NRIP2: variants seen among roughly 807,000 people sequenced by gnomAD.
The protein encoded by NRIP2 is nuclear receptor-interacting protein 2.
A neutral mutation model predicts 34.1 loss-of-function variants in NRIP2; 27 were observed. The observed-to-expected ratio is 0.79, with a 90% CI of 0.58 to 1.09. The LOEUF is 1.09. NRIP2 is among the 50% of genes least tolerant of loss of function. The pLI is 0.00. For synonymous variants in NRIP2, 145 were observed against 146.9 expected (o/e 0.99, Z 0.09); for missense variants, 385 against 352.6 (o/e 1.09, Z -0.74).
At chr12:2,834,230 A>C (rs1473798047) in intron 1 of NRIP2, among the ~76,000 whole-genome samples, 2 of 152,196 alleles carry the variant, frequency 1.3e-5, no homozygotes, top group Non-Finnish European at 1.5e-5. Context: ...ACAAGTGGAT[A>C]GACAGACCTG....
chr12:2,830,421 ATTTGTCTG>A (rs1014851295), intron 2 of NRIP2: 7 of 303,138 alleles, frequency 2.3e-5, no homozygotes, highest in African/African-American at 2.2e-5. Flanking sequence ...CACACACACC[ATTTGTCTG>A]TGTAGAGCAC....
At chr12:2,830,627 A>G (rs1340720464) in intron 2 of NRIP2, 81 bp downstream of exon 2, 9 of 1,428,654 alleles carry the variant, frequency 6.3e-6, no homozygotes, top group Middle Eastern at 2.0e-4. Context: ...CTCTCCCATC[A>G]GGGCAGAGCA....
rs986252943 is a variant in NRIP2 at position 2,830,768 on chromosome 12, G to A, written c.435C>T (p.Gly145=). 9 of 1,613,952 alleles carry A rather than the reference G, an allele frequency of 5.6e-6. No homozygotes were observed. The Admixed American group carries it at 1.0e-4, about 18-fold the overall frequency. The part of the protein sequence containing the change: ...EPPRMQDLIH[G]QESRRKTSRT... The stretch of plus-strand genomic sequence containing the variant: ...TGCTGGTCTTCCTCCTGCTCTCCTG[G>A]CCATGAATCAGGTCCTGCATCCGGG... Residue 145 remains glycine, a synonymous_variant, in exon 2 of 6, where the codon GGC becomes GGT. Transcript: ENST00000337508.
rs185106142 is a variant in NRIP2 at position 2,832,723 on chromosome 12, A to G, written c.343-1863T>C. On this transcript the variant is annotated intron_variant, in intron 1 of 5. Coordinates refer to ENST00000337508, the MANE Select transcript of NRIP2 (RefSeq NM_031474.3). Reference sequence around the variant, plus strand: ...GCTTGAGTCTACCTCACTCATTTTTATATCCCAGGGCATGGCTCAGCATCT... The same window carrying G: ...GCTTGAGTCTACCTCACTCATTTTTGTATCCCAGGGCATGGCTCAGCATCT... Among the ~76,000 whole-genome samples, 3 of 148,576 alleles carry G rather than the reference A, an allele frequency of 2.0e-5. No homozygotes were observed. In the East Asian group the frequency reaches 6.0e-4, roughly 30 times the overall value.
chr12:2,834,966 A>G lies in NRIP2; in HGVS notation c.18T>C (p.Pro6=). Reference sequence around the variant, plus strand: ...AGGAGGGTCTCCACGGGAGGGAAAGAGGAAAAATAAATAACATGCAGGAGC... The same window carrying G: ...AGGAGGGTCTCCACGGGAGGGAAAGGGGAAAAATAAATAACATGCAGGAGC... MLFIF[P]LSLPWRPSCW... is the part of the protein sequence containing the mutation. Residue 6 remains proline, a synonymous_variant, in exon 1 of 6, where the codon CCT becomes CCC. Transcript: ENST00000337508. 6.3e-7 allele frequency: 1 copy of G among 1,585,182 alleles called. No individual in the cohort carries two copies. Among genetic ancestry groups the G allele is most frequent in the African/African-American group, 1.4e-5 (1 of 73,656 alleles).
chr12:2,830,645 G>A, intron 2 of NRIP2, 63 bp downstream of exon 2: 1 of 1,519,242 alleles, frequency 6.6e-7, no homozygotes, highest in Non-Finnish European at 8.9e-7. Flanking sequence ...GCAGAAAGGA[G>A]AGCAGGTGAA....
rs3814250 is a variant in NRIP2 at position 2,826,883 on chromosome 12, C to T, written c.*324G>A. On this transcript the variant is annotated 3_prime_UTR_variant, in exon 6 of 6. Coordinates refer to ENST00000337508, the MANE Select transcript of NRIP2 (RefSeq NM_031474.3). ...CAAGGACAGCAGTCAGCAGAGCCTT[C>T]GACCCAGCCCAAGCAGGCACCCCAT... The T allele has an allele frequency of 0.14, 111,561 of 796,632 alleles. 9,243 individuals are homozygous for T. The highest frequency in any genetic ancestry group is 0.34 in the South Asian group (14,891 of 44,246). The allele number at this position is 796,632 out of a possible 1,614,324, so 49.3% of individuals were successfully genotyped here.
In NRIP2 at chr12:2,827,401, C is replaced by G. The variant is rs1308783609; in HGVS notation, c.754-102G>C. On this transcript the variant is annotated intron_variant, in intron 5 of 5. Transcript: ENST00000337508. The surrounding 1 kb of genome is among the most constrained non-coding windows in gnomAD (Gnocchi z 4.0). ...TCCCACTTCCCACAGCTTCCACCTG[C>G]CTTTTGCTCTTCCCCCATCCCCATT... is the stretch of plus-strand genomic sequence containing the variant. The G allele has an allele frequency of 2.0e-6, 3 of 1,522,952 alleles. No homozygotes were observed. The highest frequency in any genetic ancestry group is 2.3e-5 in the East Asian group (1 of 43,056). The allele number at this position is 1,522,952 out of a possible 1,614,324, so 94.3% of individuals were successfully genotyped here. A position where few individuals can be genotyped will look rare whatever the true frequency, so the allele number is the denominator to read the frequency against.
intron 1 of NRIP2, among the ~76,000 whole-genome samples, chr12:2,832,220 T>A (rs947142735): frequency 4.6e-5 from 7 of 152,100 alleles, no homozygotes; most frequent in Admixed American, 2.6e-4. Context: ...AAACTAACCA[T>A]GTCTTCTCTT....
At position 2,827,786 on chromosome 12, in the gene NRIP2, A is replaced by G; in HGVS notation, c.701-109T>C. ...GCCCACCCCATCCCCAGATCCGAGG[A>G]CACTGGCACAGAGATGGGGGATAGT... On this transcript the variant is annotated intron_variant, in intron 4 of 5. Coordinates refer to ENST00000337508, the MANE Select transcript of NRIP2 (RefSeq NM_031474.3). The surrounding 1 kb of genome is among the most constrained non-coding windows in gnomAD (Gnocchi z 4.0). 1 of 1,605,320 alleles carries G rather than the reference A, an allele frequency of 6.2e-7. No homozygotes were observed. Among genetic ancestry groups the G allele is most frequent in the South Asian group, 1.1e-5 (1 of 89,944 alleles).
At position 2,834,724 on chromosome 12, in the gene NRIP2, T is replaced by A. The variant is rs2098019740; in HGVS notation, c.260A>T (p.Gln87Leu). 2 of 1,613,990 alleles carry A rather than the reference T, an allele frequency of 1.2e-6. No homozygotes were observed. Among genetic ancestry groups the A allele is most frequent in the South Asian group, 1.1e-5 (1 of 91,074 alleles). ...GTCCTTGTGCAGGAACTGGGTGGCC[T>A]GTTTGAGCCGGCGCTGCTGGCTCAG... is the stretch of plus-strand genomic sequence containing the variant. ...AHLSQQRRLK[Q>L]ATQFLHKDSA... The change falls in exon 1 of 6, where the codon CAG becomes CTG. Residue 87 changes from glutamine to leucine, a missense_variant. Coordinates refer to ENST00000337508, the MANE Select transcript of NRIP2 (RefSeq NM_031474.3).
chr12:2,833,296 G>A (rs1465297985), intron 1 of NRIP2, among the ~76,000 whole-genome samples: 1 of 152,048 alleles, frequency 6.6e-6, no homozygotes, highest in Non-Finnish European at 1.5e-5. Context: ...CGAAGAACCC[G>A]CTTCCCTGCT....
Position 2,827,887 on chromosome 12 carries a change from G to A in NRIP2, c.700+39C>T. The A allele has an allele frequency of 6.2e-7, 1 of 1,613,202 alleles. No homozygotes were observed. The highest frequency in any genetic ancestry group is 8.5e-7 in the Non-Finnish European group (1 of 1,179,968). ...TTTGCCCCACCCCAAAGAGAAAGGT[G>A]AGGTGAGCACCAGGGCTGTTGCAGA... On this transcript the variant is annotated intron_variant, in intron 4 of 5. Transcript: ENST00000337508. This position sits in a 1 kb window ranked among gnomAD's most constrained non-coding sequence, Gnocchi z 4.0.
chr12:2,829,553 C>T (rs1356701460), intron 2 of NRIP2, among the ~76,000 whole-genome samples: 2 of 152,064 alleles, frequency 1.3e-5, no homozygotes, highest in African/African-American at 2.4e-5. Context: ...GTGGAAGGAT[C>T]GCTTGAGGCC....
chr12:2,833,346 TAGGAATA>T (rs2098012858), intron 1 of NRIP2, among the ~76,000 whole-genome samples: 2 of 151,858 alleles, frequency 1.3e-5, no homozygotes, highest in Admixed American at 6.6e-5. Flanking sequence ...CCACTGCAAG[TAGGAATA>T]AGCCCCTGGC....
rs1270550409 is a variant in NRIP2, at chr12:2,827,202, A to G, written c.*5T>C. 2 of 1,614,024 alleles carry G rather than the reference A, an allele frequency of 1.2e-6. No homozygotes were observed. Among genetic ancestry groups the G allele is most frequent in the Non-Finnish European group, 8.5e-7 (1 of 1,179,938 alleles). Reference sequence around the variant, plus strand: ...TTTCCCTCTGGGGACTGACTGAGACAGCAGTCACTGGCCAGGCTCTTGGTA... The same window carrying G: ...TTTCCCTCTGGGGACTGACTGAGACGGCAGTCACTGGCCAGGCTCTTGGTA... On this transcript the variant is annotated 3_prime_UTR_variant, in exon 6 of 6. Coordinates refer to ENST00000337508, the MANE Select transcript of NRIP2 (RefSeq NM_031474.3). This position sits in a 1 kb window ranked among gnomAD's most constrained non-coding sequence, Gnocchi z 4.0.
At position 2,834,630 on chromosome 12, in the gene NRIP2, G is replaced by T; in HGVS notation, c.342+12C>A. Reference sequence around the variant, plus strand: ...GCCAGGGGACGCTGGCAGGGGAGGGGTGATGCCTCACCAAGTCCTTGGAGG... The same window carrying T: ...GCCAGGGGACGCTGGCAGGGGAGGGTTGATGCCTCACCAAGTCCTTGGAGG... On this transcript the variant is annotated intron_variant, in intron 1 of 5. Coordinates refer to ENST00000337508, the MANE Select transcript of NRIP2 (RefSeq NM_031474.3). 1 of 1,571,442 alleles carries T rather than the reference G, an allele frequency of 6.4e-7. No homozygotes were observed. Among genetic ancestry groups the T allele is most frequent in the African/African-American group, 1.4e-5 (1 of 73,766 alleles).
chr12:2,830,757 C>A lies in NRIP2; in HGVS notation c.446G>T (p.Arg149Met), dbSNP rs150479141. ...MQDLIHGQES[R>M]RKTSRTEIPA... ...AATCTCTGTCCTGCTGGTCTTCCTC[C>A]TGCTCTCCTGGCCATGAATCAGGTC... is the stretch of plus-strand genomic sequence containing the variant. Residue 149 changes from arginine to methionine, a missense_variant, in exon 2 of 6, where the codon AGG becomes ATG. Arg to Met is a moderately conservative substitution (Grantham distance 91). Coordinates refer to ENST00000337508, the MANE Select transcript of NRIP2 (RefSeq NM_031474.3). 1.2e-6 allele frequency: 2 copies of A among 1,613,812 alleles called. No homozygotes were observed. Among genetic ancestry groups the A allele is most frequent in the African/African-American group, 2.7e-5 (2 of 74,910 alleles).
At chr12:2,833,700 T>C (rs913266838) in intron 1 of NRIP2, among the ~76,000 whole-genome samples, 3 of 152,136 alleles carry the variant, frequency 2.0e-5, no homozygotes, top group Admixed American at 6.5e-5. Flanking sequence ...CAGGAATATT[T>C]CTCAGACTAA....
Sources: gnomAD v4.1 joint callset for allele counts (sites outside exome capture counted in the v4.1 genomes callset) on GRCh38, gnomAD v4.1.1 for gene constraint, Gnocchi (gnomAD v3.1) non-coding constraint, MANE v1.5 for transcripts, NCBI Gene and HGNC (gene_info 2026-07-23, HGNC 2026-07-21) for gene names.